The following SUMF2 variants were observed in gnomAD, a reference collection of about 807,000 sequenced individuals.
The protein encoded by SUMF2 is inactive C-alpha-formylglycine-generating enzyme 2.
In SUMF2, 45 loss-of-function variants were observed where a neutral mutation model predicts 44.8. That is an observed-to-expected ratio of 1.00 (90% CI 0.79 to 1.29). The LOEUF is 1.29. SUMF2 is among the 50% of genes most tolerant of loss of function. The probability of loss-of-function intolerance (pLI) is 0.00; values close to 1 mark genes in which losing one functional copy is unlikely to be tolerated. For missense variants in SUMF2, 418 were observed against 389.9 expected (o/e 1.07, Z -0.61); for synonymous variants, 148 against 150.4 (o/e 0.98, Z 0.12).
rs142246011 is a variant in SUMF2, at chr7:56,072,948, G to C, written c.225-49G>C. 5.3e-5 allele frequency: 75 copies of C among 1,407,142 alleles called. 2 individuals carry two copies. In the African/African-American group the frequency reaches 9.4e-4, roughly 18 times the overall value. The allele number at this position is 1,407,142 out of a possible 1,614,324, so 87.2% of individuals were successfully genotyped here. On this transcript the variant is annotated intron_variant, in intron 2 of 8. Coordinates refer to ENST00000434526, the MANE Select transcript of SUMF2 (RefSeq NM_015411.4). ...GTTTCCTGGAGCAGGAGAAGATGGG[G>C]TGGGCACAGAACCTCACCAGCTGAA...
chr7:56,084,358 G>C (rs1005804582), downstream of SUMF2: 1 of 566,476 alleles, frequency 1.8e-6, no homozygotes, highest in African/African-American at 2.0e-5. Context: ...TCAGAAGGAC[G>C]TGAGTATCCC....
At chr7:56,074,857 G>C (rs1795436323) in intron 5 of SUMF2, 121 bp downstream of exon 5, 1 of 1,288,712 alleles carries the variant, frequency 7.8e-7, no homozygotes, top group Admixed American at 2.1e-5. Context: ...CAACACTTTG[G>C]GAGGCTGGGG....
intron 4 of SUMF2, 117 bp downstream of exon 4, chr7:56,074,335 G>A (rs1795388839): frequency 2.5e-6 from 3 of 1,185,556 alleles, no homozygotes; most frequent in South Asian, 1.3e-5. Flanking sequence ...GAAGGATAGG[G>A]GAATATCAGG....
chr7:56,066,107 C>CA (rs1472193902), intron 1 of SUMF2, among the ~76,000 whole-genome samples: 1 of 122,584 alleles, frequency 8.2e-6, no homozygotes, highest in African/African-American at 3.2e-5. Context: ...AAAAAAAAAT[C>CA]AAAAACAAAA....
downstream of SUMF2, chr7:56,083,571 C>G (rs1796121518): frequency 1.3e-6 from 2 of 1,492,786 alleles, no homozygotes; most frequent in Non-Finnish European, 1.9e-6. Context: ...TGTGCACGCC[C>G]TGCCTCCCCT....
At chr7:56,073,179 T>G (rs1562864747) in intron 3 of SUMF2, 68 bp downstream of exon 3, 2 of 1,195,730 alleles carry the variant, frequency 1.7e-6, no homozygotes, top group Admixed American at 3.6e-5. Flanking sequence ...CTGTGGGACA[T>G]GGGTTACCTG....
At chr7:56,086,407 T>A in the SUMF2 span, among the ~76,000 whole-genome samples, 3 of 152,064 alleles carry the variant, frequency 2.0e-5, no homozygotes, top group Non-Finnish European at 4.4e-5. Context: ...GCACGGTGGC[T>A]TATGCCTGTA....
intron 8 of SUMF2, chr7:56,079,024 G>A (rs1795784300): frequency 1.7e-6 from 1 of 597,120 alleles, no homozygotes; most frequent in Non-Finnish European, 3.0e-6. Flanking sequence ...AGCTCCTCAA[G>A]TATCTGGGAC....
At position 56,074,610 on chromosome 7, in the gene SUMF2, C is replaced by CGA; in HGVS notation, c.416_417dup (p.Leu140AspfsTer9). 1 of 1,614,118 alleles carries CGA rather than the reference C, an allele frequency of 6.2e-7. No homozygotes were observed. Among genetic ancestry groups the CGA allele is most frequent in the East Asian group, 2.2e-5 (1 of 44,872 alleles). ...GCCTGCAGGTCCTGGCTCTGGCATC[C>CGA]GAGAGAGACTGGAGCACCCAGTGTT... is the stretch of plus-strand genomic sequence containing the variant. On this transcript the variant is annotated frameshift_variant, in exon 5 of 9. Coordinates refer to ENST00000434526, the MANE Select transcript of SUMF2 (RefSeq NM_015411.4). LOFTEE classifies it high-confidence loss of function.
At chr7:56,079,247 C>A in intron 8 of SUMF2, 1 of 537,922 alleles carries the variant, frequency 1.9e-6, no homozygotes, top group South Asian at 2.9e-5. Context: ...AAGTTAGTCA[C>A]TGTCTTTTCT....
chr7:56,086,781 CAAGTGGTGAACCCAGGT>C, the SUMF2 span: 3 of 599,074 alleles, frequency 5.0e-6, no homozygotes, highest in African/African-American at 3.7e-5. Flanking sequence ...ATCCAGCCCA[CAAGTGGTGAACCCAGGT>C]TTCCAAAGCC....
In SUMF2 at chr7:56,064,338, G is replaced by C. The variant is rs377230526; in HGVS notation, c.27G>C (p.Leu9=). MARHGLPL[L]PLLSLLVGAW... ...TGGCCCGGCATGGGTTACCGCTGCT[G>C]CCCCTGCTGTCGCTCCTGGTCGGCG... The change falls in exon 1 of 9, where the codon CTG becomes CTC. Residue 9 remains leucine, a synonymous_variant. Transcript: ENST00000434526. The C allele has an allele frequency of 1.2e-6, 2 of 1,601,734 alleles. No homozygotes were observed. The highest frequency in any genetic ancestry group is 1.3e-5 in the African/African-American group (1 of 74,788).
chr7:56,064,620 T>A (rs1032100632), intron 1 of SUMF2, among the ~76,000 whole-genome samples: 1 of 151,632 alleles, frequency 6.6e-6, no homozygotes, highest in African/African-American at 2.4e-5. Context: ...GAGCCTGTAA[T>A]CCCAGCACTT....
In SUMF2 at chr7:56,074,409, C is replaced by T. The variant is rs140998093; in HGVS notation, c.385-177C>T. On this transcript the variant is annotated intron_variant, in intron 4 of 8. Coordinates refer to ENST00000434526, the MANE Select transcript of SUMF2 (RefSeq NM_015411.4). The stretch of plus-strand genomic sequence containing the variant: ...TGTTTCCTGTTACCCATCCATTTCT[C>T]CCTTCAGCCTCCTGTAGTCTCTTTT... The T allele has an allele frequency of 2.4e-4, 243 of 1,004,510 alleles. No homozygotes were observed. In the African/African-American group the frequency reaches 3.2e-3, roughly 13 times the overall value. 62.2% of individuals were successfully genotyped at this position (1,004,510 alleles called of 1,614,324 possible). A position where few individuals can be genotyped will look rare whatever the true frequency, so the allele number is the denominator to read the frequency against.
Position 56,079,509 on chromosome 7 carries a change from T to C in SUMF2, c.822-19T>C. The C allele has an allele frequency of 1.2e-6, 2 of 1,606,392 alleles. No homozygotes were observed. The highest frequency in any genetic ancestry group is 1.7e-6 in the Non-Finnish European group (2 of 1,175,456). On this transcript the variant is annotated intron_variant, in intron 8 of 8. Transcript: ENST00000434526. The stretch of plus-strand genomic sequence containing the variant: ...TTTCTCAGGACGTGTCTGTCCTCTC[T>C]CCCCTTCTCTGCTGGCAGGATGGGC...
At chr7:56,077,542 T>A (rs934312229) in intron 6 of SUMF2, among the ~76,000 whole-genome samples, 34 of 150,986 alleles carry the variant, frequency 2.3e-4, no homozygotes, top group African/African-American at 8.0e-4. Context: ...GCACCTGTAA[T>A]CCCAGCTGCT....
At chr7:56,078,224 C>A in intron 7 of SUMF2, 38 bp downstream of exon 7, 1 of 1,591,416 alleles carries the variant, frequency 6.3e-7, no homozygotes, top group Non-Finnish European at 8.6e-7. Context: ...TGCCCATGAA[C>A]TGGCTGTTGG....
the SUMF2 span, among the ~76,000 whole-genome samples, chr7:56,086,197 C>T: frequency 1.3e-5 from 2 of 151,754 alleles, no homozygotes; most frequent in African/African-American, 4.8e-5. Flanking sequence ...TTATATATGT[C>T]TACAGTCATC....
intron 1 of SUMF2, among the ~76,000 whole-genome samples, chr7:56,068,057 C>T (rs1481727851): frequency 1.7e-5 from 2 of 119,138 alleles, no homozygotes; most frequent in African/African-American, 3.2e-5. Context: ...TTTTTTGAGA[C>T]AGAGTCTCGC....
Sources: allele counts gnomAD v4.1 joint callset (sites outside exome capture counted in the v4.1 genomes callset), GRCh38; gene constraint gnomAD v4.1.1; transcripts MANE v1.5; gene names NCBI Gene and HGNC (gene_info 2026-07-23, HGNC 2026-07-21).